PPP1R21: variants seen among roughly 807,000 people sequenced by gnomAD.
The protein encoded by PPP1R21 is protein phosphatase 1 regulatory subunit 21, also known as KLRAQ motif containing 1.
In PPP1R21, 85 loss-of-function variants were observed where a neutral mutation model predicts 112.8. The observed-to-expected ratio is 0.75, with a 90% CI of 0.63 to 0.90. The LOEUF (loss-of-function observed/expected upper bound fraction) is 0.90. Ranked by LOEUF, PPP1R21 falls within the 40% of genes least tolerant of loss-of-function variation. PPP1R21 has a pLI of 0.00. For synonymous variants in PPP1R21, 381 were observed against 322.3 expected, an observed-to-expected ratio of 1.18 and a Z score of -1.95; for missense variants, 1,199 against 901.5, an observed-to-expected ratio of 1.33 and a Z score of -4.23.
At chr2:48,488,848 A>G (rs1669429701) in intron 14 of PPP1R21, among the ~76,000 whole-genome samples, 1 of 152,226 alleles carries the variant, frequency 6.6e-6, no homozygotes, top group South Asian at 2.1e-4. Flanking sequence ...CCAGTAGGAA[A>G]GTGTAGTATA....
At chr2:48,513,247 C>G (rs967579965) in intron 21 of PPP1R21, among the ~76,000 whole-genome samples, 1 of 151,944 alleles carries the variant, frequency 6.6e-6, no homozygotes, top group African/African-American at 2.4e-5. Context: ...CTCTGTCACC[C>G]AGGCTGGAGT....
chr2:48,465,132 A>G (rs1197699111), intron 8 of PPP1R21, 143 bp downstream of exon 8: 5 of 696,414 alleles, frequency 7.2e-6, no homozygotes, highest in Middle Eastern at 2.7e-4. Flanking sequence ...TCATACATTT[A>G]TTCAAATGTA....
At chr2:48,443,155 CAT>C (rs1186091264) in intron 1 of PPP1R21, among the ~76,000 whole-genome samples, 2 of 152,130 alleles carry the variant, frequency 1.3e-5, no homozygotes, top group African/African-American at 4.8e-5. Context: ...ACTAACCAAA[CAT>C]ACAAGGCACT....
At chr2:48,449,837 A>G (rs1297826496) in intron 1 of PPP1R21, among the ~76,000 whole-genome samples, 2 of 151,498 alleles carry the variant, frequency 1.3e-5, no homozygotes, top group Admixed American at 1.3e-4. Flanking sequence ...CTGGTCTTTC[A>G]TGATATCTGC....
In PPP1R21 at chr2:48,451,938, G is replaced by A. The variant is rs543300596; in HGVS notation, c.126+862G>A. 2.6e-5 allele frequency among the ~76,000 whole-genome samples: 4 copies of A among 152,292 alleles called. No homozygotes were observed. The East Asian group carries it at 7.7e-4, about 29-fold the overall frequency. On this transcript the variant is annotated intron_variant, in intron 2 of 21. Transcript: ENST00000294952. Reference sequence around the variant, plus strand: ...TAGTCAGTTGTTGGATCCTACAGGAGAGAAATCTGTCTCTGAGTGTCTCCT... The same window carrying A: ...TAGTCAGTTGTTGGATCCTACAGGAAAGAAATCTGTCTCTGAGTGTCTCCT...
In PPP1R21 at chr2:48,480,011, TGAAAGGTAGGCCTTGAAAAA is replaced by T; in HGVS notation, c.1317_1318+18del. ...GCTCTGCATGGATTTCATGACGTTA[TGAAAGGTAGGCCTTGAAAAA>T]GAACGTAAGCTTAAAACCTTTGCCC... On this transcript the variant is annotated splice_donor_variant and splice_donor_5th_base_variant and coding_sequence_variant and intron_variant, in exon 13 of 22. Coordinates refer to ENST00000294952, the MANE Select transcript of PPP1R21 (RefSeq NM_001135629.3). LOFTEE classifies it high-confidence loss of function. 1 of 1,603,990 alleles carries T rather than the reference TGAAAGGTAGGCCTTGAAAAA, an allele frequency of 6.2e-7. No individual in the cohort carries two copies. Among genetic ancestry groups the T allele is most frequent in the Admixed American group, 1.7e-5 (1 of 60,006 alleles).
chr2:48,441,875 G>C (rs1453960115), intron 1 of PPP1R21, among the ~76,000 whole-genome samples: 1 of 152,252 alleles, frequency 6.6e-6, no homozygotes, highest in Non-Finnish European at 1.5e-5. Flanking sequence ...CATGGAGTCA[G>C]TGGGAAGATG....
At chr2:48,477,696 G>A (rs528247726) in intron 12 of PPP1R21, among the ~76,000 whole-genome samples, 4 of 149,972 alleles carry the variant, frequency 2.7e-5, no homozygotes. Context: ...GATTGTTTTG[G>A]TTATTTGAGG....
intron 9 of PPP1R21, among the ~76,000 whole-genome samples, chr2:48,466,745 T>C (rs1668222576): frequency 6.6e-6 from 1 of 152,034 alleles, no homozygotes. Flanking sequence ...AACAAAATCA[T>C]GGAGCAGGAA....
At chr2:48,461,517 A>C (rs572239327) in intron 7 of PPP1R21, among the ~76,000 whole-genome samples, 5 of 152,292 alleles carry the variant, frequency 3.3e-5, no homozygotes, top group Admixed American at 2.6e-4. Context: ...CCTGCACATA[A>C]ATAGTTGAAT....
Position 48,460,086 on chromosome 2 carries a change from GA to G in PPP1R21, c.541-6del, listed in dbSNP as rs752886953. The G allele has an allele frequency of 1.9e-6, 3 of 1,613,894 alleles. No individual in the cohort carries two copies. The South Asian group carries it at 3.3e-5, about 18-fold the overall frequency. ...AGCCATCTGTGTTTCTTTTTCTTCTGAAATTCAGGTGAAATCTCAGACTCTA... is the reference window on the plus strand; with the variant it reads ...AGCCATCTGTGTTTCTTTTTCTTCTGAATTCAGGTGAAATCTCAGACTCTA... On this transcript the variant is annotated splice_region_variant and splice_polypyrimidine_tract_variant and intron_variant, in intron 5 of 21. Transcript: ENST00000294952.
At chr2:48,485,907 GTATATA>G (rs1558487882) in intron 13 of PPP1R21, among the ~76,000 whole-genome samples, 26 of 142,926 alleles carry the variant, frequency 1.8e-4, no homozygotes, top group African/African-American at 6.1e-4. Flanking sequence ...ATATACAATT[GTATATA>G]CTAACTAATA....
rs1386280703 is a variant in PPP1R21, at chr2:48,460,547, C to T, written c.599+394C>T. 3.3e-5 allele frequency among the ~76,000 whole-genome samples: 5 copies of T among 152,222 alleles called. No individual in the cohort carries two copies. The South Asian group carries it at 1.0e-3, about 32-fold the overall frequency. On this transcript the variant is annotated intron_variant, in intron 6 of 21. Transcript: ENST00000294952. ...GGTTATGCGATCTAATTTGGAGATA[C>T]ATAAATTTTAAAATCAAAATACTAG...
At chr2:48,501,349 G>A (rs549252123) in intron 17 of PPP1R21, among the ~76,000 whole-genome samples, 1 of 152,222 alleles carries the variant, frequency 6.6e-6, no homozygotes, top group South Asian at 2.1e-4. Flanking sequence ...TCTTAGAGTT[G>A]GTGGTGGCCA....
chr2:48,506,746 C>G (rs547986479), intron 18 of PPP1R21, among the ~76,000 whole-genome samples: 1 of 152,218 alleles, frequency 6.6e-6, no homozygotes, highest in East Asian at 1.9e-4. Context: ...GAGATCGAGA[C>G]CATCCTGCCT....
At chr2:48,485,869 ATATATACAAT>A (rs1386543227) in intron 13 of PPP1R21, among the ~76,000 whole-genome samples, 4 of 1,838 alleles carry the variant, frequency 2.2e-3, no homozygotes, top group Non-Finnish European at 0.015. Context: ...ATATTAACTA[ATATATACAAT>A]TGTATATACT....
intron 18 of PPP1R21, 33 bp from the exon 19 acceptor site, chr2:48,507,236 T>C (rs1670422905): frequency 6.9e-7 from 1 of 1,457,106 alleles, no homozygotes; most frequent in Non-Finnish European, 9.1e-7. Context: ...TCACTGGTAC[T>C]TGTTTATTTA....
chr2:48,506,826 G>A (rs570104292), intron 18 of PPP1R21, among the ~76,000 whole-genome samples: 1 of 152,054 alleles, frequency 6.6e-6, no homozygotes, highest in East Asian at 1.9e-4. Flanking sequence ...GGCGCCTGTG[G>A]TCCCAGCTAC....
chr2:48,511,140 T>C (rs1670618734), intron 20 of PPP1R21, among the ~76,000 whole-genome samples, 200 bp from the exon 21 acceptor site: 1 of 152,186 alleles, frequency 6.6e-6, no homozygotes, highest in South Asian at 2.1e-4. Context: ...ATCAGGGTCA[T>C]TTGGAGGTCC....
Sources: gnomAD v4.1 joint callset for allele counts (sites outside exome capture counted in the v4.1 genomes callset) on GRCh38, gnomAD v4.1.1 for gene constraint, MANE v1.5 for transcripts, NCBI Gene and HGNC (gene_info 2026-07-23, HGNC 2026-07-21) for gene names.